The following ATP8A2 variants were observed in gnomAD, a reference collection of about 807,000 sequenced individuals.
The protein encoded by ATP8A2 is ATPase phospholipid transporting 8A2, also known as phospholipid-transporting ATPase IB.
In ATP8A2, 100 loss-of-function variants were observed where a neutral mutation model predicts 165.6. That is an observed-to-expected ratio of 0.60 (90% CI 0.51 to 0.71). The LOEUF (loss-of-function observed/expected upper bound fraction) is 0.71. Among genes scored for constraint, ATP8A2 ranks in the 30% least tolerant of loss-of-function variants. The pLI, the probability that ATP8A2 is intolerant of heterozygous loss-of-function variation, is 0.00. For synonymous variants in ATP8A2, 543 were observed against 548.8 expected (o/e 0.99, Z 0.15); for missense variants, 1,227 against 1,479.5 (o/e 0.83, Z 2.80).
intron 1 of ATP8A2, among the ~76,000 whole-genome samples, chr13:25,407,265 A>C (rs932734267): frequency 3.3e-5 from 5 of 152,208 alleles, no homozygotes; most frequent in Admixed American, 3.3e-4. Context: ...CTCATTCTTA[A>C]AGCTTCATCA....
At chr13:26,014,262 T>C (rs968299304) in intron 36 of ATP8A2, among the ~76,000 whole-genome samples, 4 of 152,152 alleles carry the variant, frequency 2.6e-5, no homozygotes, top group Admixed American at 2.6e-4. Flanking sequence ...GTGTAGGTCC[T>C]GCCACCCACA....
chr13:25,591,629 G>C (rs1163076158), intron 24 of ATP8A2, among the ~76,000 whole-genome samples: 1 of 145,644 alleles, frequency 6.9e-6, no homozygotes, highest in Non-Finnish European at 1.5e-5. Context: ...TCTCTTGCCA[G>C]GTTGGAGTGC....
intron 2 of ATP8A2, among the ~76,000 whole-genome samples, chr13:25,527,742 T>G (rs1280159863): frequency 2.0e-5 from 3 of 152,180 alleles, no homozygotes; most frequent in African/African-American, 7.2e-5. Flanking sequence ...CCTTTCCTCC[T>G]CAACTCTCCA....
intron 24 of ATP8A2, 106 bp downstream of exon 24, chr13:25,589,805 T>C (rs2040021501): frequency 3.0e-6 from 2 of 677,540 alleles, no homozygotes; most frequent in African/African-American, 1.8e-5. Context: ...AAAACAGTTA[T>C]GAAAAAACTG....
At chr13:25,590,509 C>T (rs933992437) in intron 24 of ATP8A2, among the ~76,000 whole-genome samples, 3 of 152,140 alleles carry the variant, frequency 2.0e-5, no homozygotes, top group African/African-American at 4.8e-5. Context: ...ATGAACCCAC[C>T]CCATCATGGC....
chr13:25,523,103 G>A (rs1202037705), intron 2 of ATP8A2, among the ~76,000 whole-genome samples: 2 of 150,208 alleles, frequency 1.3e-5, no homozygotes, highest in African/African-American at 4.9e-5. Flanking sequence ...GGGCAACAGG[G>A]CTAGACTCTG....
intron 1 of ATP8A2, among the ~76,000 whole-genome samples, chr13:25,387,469 G>A (rs974691121): frequency 2.0e-5 from 3 of 152,102 alleles, no homozygotes; most frequent in Non-Finnish European, 2.9e-5. Context: ...TCACCTGCTA[G>A]AGCCTGGGTT....
At chr13:25,456,722 A>C (rs777947731) in intron 1 of ATP8A2, among the ~76,000 whole-genome samples, 11 of 152,212 alleles carry the variant, frequency 7.2e-5, no homozygotes, top group Non-Finnish European at 1.5e-4. Flanking sequence ...CCAGACTACA[A>C]GTGCTTTGAA....
At chr13:25,512,457 C>G (rs1386754309) in intron 2 of ATP8A2, among the ~76,000 whole-genome samples, 1 of 152,036 alleles carries the variant, frequency 6.6e-6, no homozygotes, top group African/African-American at 2.4e-5. Context: ...GTGGGGGCGG[C>G]CAGGCAGAGG....
intron 27 of ATP8A2, among the ~76,000 whole-genome samples, chr13:25,812,240 T>A (rs1250021666): frequency 1.3e-5 from 2 of 151,542 alleles, no homozygotes; most frequent in African/African-American, 2.4e-5. Context: ...ACTCTCAAGA[T>A]GTACCATTAT....
chr13:25,473,748 T>C (rs745863234), intron 2 of ATP8A2, among the ~76,000 whole-genome samples: 3 of 152,224 alleles, frequency 2.0e-5, no homozygotes, highest in Non-Finnish European at 4.4e-5. Context: ...ACTGGACATT[T>C]TGTATAAATA....
In ATP8A2 at chr13:25,637,092, C is replaced by CAAA. The variant is rs56069703; in HGVS notation, c.2211+47420_2211+47422dup. Among the ~76,000 whole-genome samples, 35 of 67,684 alleles carry CAAA rather than the reference C, an allele frequency of 5.2e-4. 3 individuals are homozygous for CAAA. The highest frequency in any genetic ancestry group is 1.9e-3 in the African/African-American group (34 of 17,538). 44.4% of individuals were successfully genotyped at this position (67,684 alleles called of 152,430 possible). A position where few individuals can be genotyped will look rare whatever the true frequency, so the allele number is the denominator to read the frequency against. ...TGGGTGACAGAGCAAGACCCTGTCT[C>CAAA]AAAAAAAAAAAAAAAAAAAAAAAAA... On this transcript the variant is annotated intron_variant, in intron 24 of 36. Transcript: ENST00000381655.
At chr13:25,609,916 C>T (rs2040635402) in intron 24 of ATP8A2, among the ~76,000 whole-genome samples, 2 of 150,932 alleles carry the variant, frequency 1.3e-5, no homozygotes, top group African/African-American at 4.9e-5. Flanking sequence ...TGTATTTCTT[C>T]TTTTGAGAAT....
intron 24 of ATP8A2, among the ~76,000 whole-genome samples, chr13:25,669,560 A>AG (rs2042221867): frequency 6.6e-6 from 1 of 152,186 alleles, no homozygotes; most frequent in Non-Finnish European, 1.5e-5. Context: ...GGTCTTCTCC[A>AG]AGCATGTGGC....
At chr13:25,922,150 C>T (rs907503675) in intron 33 of ATP8A2, among the ~76,000 whole-genome samples, 7 of 152,116 alleles carry the variant, frequency 4.6e-5, no homozygotes, top group Non-Finnish European at 1.0e-4. Flanking sequence ...GTTCTCCTTA[C>T]CCTAAAATTC....
chr13:25,993,274 C>T (rs2139297221), intron 35 of ATP8A2, among the ~76,000 whole-genome samples: 1 of 152,304 alleles, frequency 6.6e-6, no homozygotes, highest in African/African-American at 2.4e-5. Context: ...ACTGCTATGA[C>T]AAACCCACAG....
chr13:25,699,265 C>A lies in ATP8A2; in HGVS notation c.2304C>A (p.Thr768=), dbSNP rs7335858. The A allele has an allele frequency of 0.11, 170,045 of 1,613,130 alleles. 9,765 individuals carry two copies. The highest frequency in any genetic ancestry group is 0.13 in the African/African-American group (9,533 of 74,938). The part of the protein sequence containing the change: ...NDVALIIDGH[T]LKYALSFEVR... ...TGGCCCTGATCATCGATGGCCACACCCTGAAGTACGCGCTCTCCTTCGAAG... is the reference window on the plus strand; with the variant it reads ...TGGCCCTGATCATCGATGGCCACACACTGAAGTACGCGCTCTCCTTCGAAG... Residue 768 remains threonine (T), a synonymous_variant, in exon 25 of 37, where the codon ACC becomes ACA. Coordinates refer to ENST00000381655, the MANE Select transcript of ATP8A2 (RefSeq NM_016529.6).
intron 2 of ATP8A2, among the ~76,000 whole-genome samples, chr13:25,474,895 A>G (rs1158122825): frequency 1.3e-5 from 2 of 151,866 alleles, no homozygotes; most frequent in Non-Finnish European, 2.9e-5. Context: ...CAGTGGTGCA[A>G]TCTCGGCTCA....
At chr13:25,702,356 A>AT (rs202158642) in intron 25 of ATP8A2, among the ~76,000 whole-genome samples, 2,621 of 152,312 alleles carry the variant, frequency 0.017, 36 homozygotes, top group Non-Finnish European at 0.025. Flanking sequence ...TTTATTAAAT[A>AT]TTTTGCTGAA....
Sources: gnomAD v4.1 joint callset for allele counts (sites outside exome capture counted in the v4.1 genomes callset) on GRCh38, gnomAD v4.1.1 for gene constraint, MANE v1.5 for transcripts, NCBI Gene and HGNC (gene_info 2026-07-23, HGNC 2026-07-21) for gene names.